The following PRKD1 variants were observed in gnomAD, a reference collection of about 807,000 sequenced individuals.
The protein encoded by PRKD1 is protein kinase D1, also known as serine/threonine-protein kinase D1.
Under a neutral mutation model 95.9 loss-of-function variants are expected in PRKD1, and 63 were observed. The observed-to-expected ratio is 0.66, with a 90% CI of 0.54 to 0.81. The LOEUF (loss-of-function observed/expected upper bound fraction) is 0.81, where lower values mean the gene tolerates loss of function less well. Ranked by LOEUF, PRKD1 falls within the 30% of genes least tolerant of loss-of-function variation. PRKD1 has a pLI of 0.00. For missense variants in PRKD1, 1,048 were observed against 1,165.3 expected (o/e 0.90, Z 1.47); for synonymous variants, 425 against 423.1 (o/e 1.00, Z -0.05).
At chr14:29,732,913 GT>G (rs574548102) in intron 1 of PRKD1, among the ~76,000 whole-genome samples, 26,836 of 123,870 alleles carry the variant, frequency 0.22, 2,461 homozygotes, top group South Asian at 0.31. Flanking sequence ...GCCTTGAAGT[GT>G]TTTTTTTTTT....
chr14:29,683,075 G>C (rs535305253), intron 2 of PRKD1, among the ~76,000 whole-genome samples: 11 of 152,292 alleles, frequency 7.2e-5, no homozygotes, highest in Admixed American at 7.2e-4. Context: ...GATGGTGTGA[G>C]ATCATGGCCA....
chr14:29,682,642 G>A (rs1433836619), intron 2 of PRKD1, among the ~76,000 whole-genome samples: 1 of 152,122 alleles, frequency 6.6e-6, no homozygotes, highest in African/African-American at 2.4e-5. Context: ...GCAGGGAAAC[G>A]AGAAATAAAA....
rs141404760 is a variant in PRKD1 at position 29,745,833 on chromosome 14, A to G, written c.265-20159T>C. 1.2e-3 allele frequency among the ~76,000 whole-genome samples: 185 copies of G among 152,206 alleles called. 1 individual carries two copies. The East Asian group carries it at 0.028, about 23-fold the overall frequency. On this transcript the variant is annotated intron_variant, in intron 1 of 17. Coordinates refer to ENST00000331968, the MANE Select transcript of PRKD1 (RefSeq NM_002742.3). ...ACTGGAAACAGACTAATGATTTATC[A>G]ATGGAGGGTTCAGGCTCCTTGTATC...
intron 1 of PRKD1, among the ~76,000 whole-genome samples, chr14:29,837,709 C>CAAT (rs1891664655): frequency 6.6e-6 from 1 of 152,130 alleles, no homozygotes. Context: ...ATATATACAG[C>CAAT]AATAGTAATT....
intron 16 of PRKD1, among the ~76,000 whole-genome samples, chr14:29,582,444 T>C (rs1377387432): frequency 1.3e-5 from 2 of 152,208 alleles, no homozygotes; most frequent in Admixed American, 1.3e-4. Context: ...CCTTGGTATC[T>C]CTCTCATTTT....
chr14:29,832,066 A>G, intron 1 of PRKD1, among the ~76,000 whole-genome samples: 1 of 152,154 alleles, frequency 6.6e-6, no homozygotes, highest in East Asian at 1.9e-4. Context: ...ATTAGCACAC[A>G]TCTCCTTAGG....
chr14:29,916,328 C>T (rs1243979290), intron 1 of PRKD1, among the ~76,000 whole-genome samples: 2 of 152,160 alleles, frequency 1.3e-5, no homozygotes, highest in African/African-American at 4.8e-5. Context: ...AGTGATCTAG[C>T]GTGGCCATTT....
chr14:29,808,237 C>T (rs529572261), intron 1 of PRKD1, among the ~76,000 whole-genome samples: 7 of 152,086 alleles, frequency 4.6e-5, no homozygotes, highest in East Asian at 1.9e-4. Context: ...ATAATGTTAA[C>T]GGAATCTTCA....
At chr14:29,640,354 T>C (rs1880678560) in intron 4 of PRKD1, among the ~76,000 whole-genome samples, 1 of 152,210 alleles carries the variant, frequency 6.6e-6, no homozygotes, top group African/African-American at 2.4e-5. Context: ...AATCCCTATC[T>C]GTACCAAAAG....
intron 13 of PRKD1, among the ~76,000 whole-genome samples, chr14:29,611,758 A>AAAC: frequency 6.6e-6 from 1 of 152,018 alleles, no homozygotes; most frequent in South Asian, 2.1e-4. Flanking sequence ...AAAAAAAAAA[A>AAAC]AACAAACGCT....
chr14:29,679,665 G>T (rs888817560), intron 2 of PRKD1, among the ~76,000 whole-genome samples: 15 of 151,296 alleles, frequency 9.9e-5, no homozygotes, highest in African/African-American at 3.6e-4. Flanking sequence ...AGAGATGCAG[G>T]CAAAGAAAAG....
intron 2 of PRKD1, among the ~76,000 whole-genome samples, chr14:29,668,311 AGAATAG>A (rs1194231132): frequency 1.3e-5 from 2 of 152,226 alleles, no homozygotes; most frequent in African/African-American, 4.8e-5. Context: ...TGGACAGATA[AGAATAG>A]GAATATTAAA....
At chr14:29,864,531 T>C (rs1239314292) in intron 1 of PRKD1, among the ~76,000 whole-genome samples, 1 of 152,104 alleles carries the variant, frequency 6.6e-6, no homozygotes, top group African/African-American at 2.4e-5. Context: ...GAAAAGCTAC[T>C]TTTTCTCCTA....
At chr14:29,800,695 TTTCTG>T (rs1413375169) in intron 1 of PRKD1, among the ~76,000 whole-genome samples, 3 of 152,164 alleles carry the variant, frequency 2.0e-5, no homozygotes, top group Non-Finnish European at 4.4e-5. Context: ...AAATGTGTGT[TTTCTG>T]TTATTTGAAT....
chr14:29,918,182 C>T (rs991247932), intron 1 of PRKD1, among the ~76,000 whole-genome samples: 3 of 151,930 alleles, frequency 2.0e-5, no homozygotes, highest in African/African-American at 7.2e-5. Flanking sequence ...AATCACTGCA[C>T]AATGTATACA....
At chr14:29,786,842 T>C (rs1051494466) in intron 1 of PRKD1, among the ~76,000 whole-genome samples, 3 of 152,142 alleles carry the variant, frequency 2.0e-5, no homozygotes, top group Non-Finnish European at 1.5e-5. Flanking sequence ...TTAGTTCTGC[T>C]CTGATCTTTA....
intron 1 of PRKD1, among the ~76,000 whole-genome samples, chr14:29,747,455 C>T (rs1222039128): frequency 1.3e-5 from 2 of 152,094 alleles, no homozygotes; most frequent in Non-Finnish European, 2.9e-5. Context: ...TAGGTATATA[C>T]TCAAAAGAAC....
chr14:29,742,224 A>G (rs1443873926), intron 1 of PRKD1, among the ~76,000 whole-genome samples: 1 of 152,218 alleles, frequency 6.6e-6, no homozygotes, highest in Non-Finnish European at 1.5e-5. Flanking sequence ...ATGCTGTAGC[A>G]TGCAGGAGAG....
intron 1 of PRKD1, among the ~76,000 whole-genome samples, chr14:29,729,380 T>A (rs1886323846): frequency 6.6e-6 from 1 of 152,126 alleles, no homozygotes; most frequent in South Asian, 2.1e-4. Flanking sequence ...CAATTTCCTC[T>A]TAAGTGACTT....
Sources: allele counts gnomAD v4.1 joint callset (sites outside exome capture counted in the v4.1 genomes callset), GRCh38; gene constraint gnomAD v4.1.1; transcripts MANE v1.5; gene names NCBI Gene and HGNC (gene_info 2026-07-23, HGNC 2026-07-21).